The following HELZ variants were observed in gnomAD, a reference collection of about 807,000 sequenced individuals.
HELZ encodes the protein helicase with zinc finger.
In HELZ, 23 loss-of-function variants were observed where a neutral mutation model predicts 218.2. That is an observed-to-expected ratio of 0.11 (90% CI 0.08 to 0.15). The LOEUF is 0.15. Ranked by LOEUF, HELZ falls within the 10% of genes least tolerant of loss-of-function variation. The pLI, the probability that HELZ is intolerant of heterozygous loss-of-function variation, is 1.00. For missense variants in HELZ, 1,813 were observed against 2,353.7 expected (o/e 0.77, Z 4.75); for synonymous variants, 814 against 829.4 (o/e 0.98, Z 0.32).
At chr17:67,166,341 T>C (rs1309808931) in intron 15 of HELZ, 137 bp downstream of exon 15, 6 of 605,290 alleles carry the variant, frequency 9.9e-6, no homozygotes, top group Non-Finnish European at 1.7e-5. Context: ...AAGTGTTCTT[T>C]TACTCTCCTT....
intron 24 of HELZ, among the ~76,000 whole-genome samples, chr17:67,125,100 A>G (rs1432799434): frequency 6.6e-6 from 1 of 151,474 alleles, no homozygotes; most frequent in Non-Finnish European, 1.5e-5. Context: ...TAACTGTTGG[A>G]AAGAGCAAAT....
intron 12 of HELZ, among the ~76,000 whole-genome samples, chr17:67,184,916 AATT>A (rs2039714827): frequency 6.6e-6 from 1 of 152,196 alleles, no homozygotes; most frequent in African/African-American, 2.4e-5. Flanking sequence ...GCAAAAACCA[AATT>A]ATATTATAAT....
chr17:67,243,462 C>T (rs2041381695), intron 2 of HELZ, among the ~76,000 whole-genome samples: 1 of 152,106 alleles, frequency 6.6e-6, no homozygotes, highest in African/African-American at 2.4e-5. Flanking sequence ...ATTAAGACAT[C>T]CAAGTAAAGT....
At chr17:67,121,030 A>G in intron 26 of HELZ, among the ~76,000 whole-genome samples, 1 of 152,236 alleles carries the variant, frequency 6.6e-6, no homozygotes, top group East Asian at 1.9e-4. Flanking sequence ...GGGAAAAGTT[A>G]AGGAAGAACT....
At chr17:67,141,134 C>A (rs2038309499) in intron 21 of HELZ, among the ~76,000 whole-genome samples, 1 of 152,120 alleles carries the variant, frequency 6.6e-6, no homozygotes, top group Non-Finnish European at 1.5e-5. Flanking sequence ...TCCACACAAA[C>A]AAAGAATCTT....
Position 67,192,892 on chromosome 17 carries a change from T to G in HELZ, c.557+1075A>C, listed in dbSNP as rs184772175. ...AAATTTTGAAAGGTTAGCCCTTCAT[T>G]ATGAATTATTCATAAATTCTACATA... On this transcript the variant is annotated intron_variant, in intron 9 of 32. Coordinates refer to ENST00000358691, the MANE Select transcript of HELZ (RefSeq NM_014877.4). Among the ~76,000 whole-genome samples the G allele has an allele frequency of 4.6e-5, 7 of 152,332 alleles. No homozygotes were observed. In the East Asian group the frequency reaches 1.3e-3, roughly 29 times the overall value.
At position 67,190,354 on chromosome 17, in the gene HELZ, A is replaced by T; in HGVS notation, c.559T>A (p.Phe187Ile). ...TACCTACAGATTCCTTGTTCTAAAA[A>T]TCTAAGTAGAATAGGAAAGACTGTT... is the stretch of plus-strand genomic sequence containing the variant. ...SSEEYTLCKR[F>I]LEQGICRYGA... The change falls in exon 10 of 33, where the codon TTT (phenylalanine) becomes ATT (isoleucine). Residue 187 changes from phenylalanine (F) to isoleucine (I), a missense_variant and splice_region_variant. Phe to Ile is a conservative substitution (Grantham distance 21, BLOSUM62 0). Transcript: ENST00000358691. 1 of 1,608,156 alleles carries T rather than the reference A, an allele frequency of 6.2e-7. No individual in the cohort carries two copies. Among genetic ancestry groups the T allele is most frequent in the Non-Finnish European group, 8.5e-7 (1 of 1,174,578 alleles).
At chr17:67,190,615 G>A (rs994393887) in intron 9 of HELZ, among the ~76,000 whole-genome samples, 5 of 152,240 alleles carry the variant, frequency 3.3e-5, no homozygotes, top group Non-Finnish European at 4.4e-5. Context: ...TATTCACGTC[G>A]GCCCTCCAAA....
chr17:67,169,209 T>C (rs1403789289), intron 13 of HELZ, among the ~76,000 whole-genome samples: 5 of 152,296 alleles, frequency 3.3e-5, no homozygotes, highest in East Asian at 3.9e-4. Context: ...TGGTAAGAAA[T>C]GGTGGCAACA....
chr17:67,165,192 C>G lies in HELZ; in HGVS notation c.1895+1286G>C, dbSNP rs145628651. 9.4e-4 allele frequency among the ~76,000 whole-genome samples: 143 copies of G among 152,274 alleles called. 5 individuals carry two copies. In the East Asian group the frequency reaches 0.025, roughly 27 times the overall value. On this transcript the variant is annotated intron_variant, in intron 15 of 32. Transcript: ENST00000358691. ...ACTGGAAACACGCAGACTATTCCCT[C>G]TCAAGAATTTTGGCACTAAAAAGAA...
chr17:67,205,115 T>C (rs1253693254), intron 5 of HELZ, among the ~76,000 whole-genome samples: 2 of 151,972 alleles, frequency 1.3e-5, no homozygotes, highest in African/African-American at 2.4e-5. Flanking sequence ...TCACCTGAGG[T>C]CAGGAGTTCA....
intron 2 of HELZ, among the ~76,000 whole-genome samples, chr17:67,241,604 C>G (rs2041315855): frequency 6.6e-6 from 1 of 152,206 alleles, no homozygotes; most frequent in East Asian, 1.9e-4. Context: ...CCAGTGAAAA[C>G]TGGACAGTCT....
intron 31 of HELZ, among the ~76,000 whole-genome samples, chr17:67,103,045 T>A (rs1381845390): frequency 2.0e-5 from 3 of 152,178 alleles, no homozygotes; most frequent in African/African-American, 7.2e-5. Flanking sequence ...ATAAAACCTA[T>A]AAAAACTTTG....
chr17:67,155,440 A>G lies in HELZ; in HGVS notation c.2178-4216T>C, dbSNP rs373587222. Among the ~76,000 whole-genome samples the G allele has an allele frequency of 4.6e-5, 7 of 152,340 alleles. No homozygotes were observed. The East Asian group carries it at 1.3e-3, about 29-fold the overall frequency. ...GGTGTAAAGACCTGATTAGATGTTCAAAGAAAATAAAGCAAATGAAAAACA... is the reference window on the plus strand; with the variant it reads ...GGTGTAAAGACCTGATTAGATGTTCGAAGAAAATAAAGCAAATGAAAAACA... On this transcript the variant is annotated intron_variant, in intron 17 of 32. Coordinates refer to ENST00000358691, the MANE Select transcript of HELZ (RefSeq NM_014877.4).
intron 32 of HELZ, among the ~76,000 whole-genome samples, chr17:67,082,753 C>T (rs1434928870): frequency 6.6e-6 from 1 of 151,230 alleles, no homozygotes; most frequent in Non-Finnish European, 1.5e-5. Flanking sequence ...ATAAACATGG[C>T]TTTCATTGTT....
intron 9 of HELZ, among the ~76,000 whole-genome samples, chr17:67,192,585 T>C (rs1280873970): frequency 6.6e-6 from 1 of 152,236 alleles, no homozygotes; most frequent in African/African-American, 2.4e-5. Flanking sequence ...TATTCTTATC[T>C]GTACTTCAAA....
chr17:67,214,158 A>G (rs1598434858), intron 5 of HELZ, among the ~76,000 whole-genome samples: 1 of 152,110 alleles, frequency 6.6e-6, no homozygotes, highest in East Asian at 1.9e-4. Flanking sequence ...AAATTCTACT[A>G]GATATCTCTT....
chr17:67,188,155 G>C lies in HELZ; in HGVS notation c.1162+164C>G. 3.1e-6 allele frequency: 2 copies of C among 640,818 alleles called. No individual in the cohort carries two copies. Among genetic ancestry groups the C allele is most frequent in the East Asian group, 5.7e-5 (2 of 35,124 alleles). The allele number at this position is 640,818 out of a possible 1,614,324, so 39.7% of individuals were successfully genotyped here. On this transcript the variant is annotated intron_variant, in intron 12 of 32. Coordinates refer to ENST00000358691, the MANE Select transcript of HELZ (RefSeq NM_014877.4). This position sits in a 1 kb window ranked among gnomAD's most constrained non-coding sequence, Gnocchi z 4.1. ...CTGTGAAGAAATCAGGGCACAGTGT[G>C]AATCATTATAAGCCCATTACACAGT...
chr17:67,095,166 T>C (rs924915986), intron 31 of HELZ, among the ~76,000 whole-genome samples: 8 of 152,162 alleles, frequency 5.3e-5, no homozygotes, highest in African/African-American at 1.9e-4. Context: ...TTGTTGTCAT[T>C]TCAACAATGT....
Sources: gnomAD v4.1 joint callset for allele counts (sites outside exome capture counted in the v4.1 genomes callset) on GRCh38, gnomAD v4.1.1 for gene constraint, Gnocchi (gnomAD v3.1) non-coding constraint, MANE v1.5 for transcripts, NCBI Gene and HGNC (gene_info 2026-07-23, HGNC 2026-07-21) for gene names.